Variants in NDST3 observed in about 807,000 individuals in gnomAD.
NDST3 encodes bifunctional heparan sulfate N-deacetylase/N-sulfotransferase 3.
In NDST3, 58 loss-of-function variants were observed where a neutral mutation model predicts 96.1. The ratio of observed to expected loss-of-function variants is 0.60; its 90% CI spans 0.49 to 0.75. NDST3 has a LOEUF of 0.75. NDST3 is among the 30% of genes least tolerant of loss of function. The pLI is 0.00. For synonymous variants in NDST3, 333 were observed against 359.7 expected (o/e 0.93, Z 0.84); for missense variants, 788 against 1,034.2 (o/e 0.76, Z 3.27).
intron 6 of NDST3, among the ~76,000 whole-genome samples, chr4:118,213,906 G>A (rs1305721295): frequency 2.6e-5 from 4 of 151,924 alleles, no homozygotes; most frequent in Non-Finnish European, 5.9e-5. Context: ...AGCCTATTAT[G>A]TAATTAAATT....
chr4:118,188,370 C>T (rs1737103780), intron 6 of NDST3, among the ~76,000 whole-genome samples: 1 of 149,752 alleles, frequency 6.7e-6, no homozygotes, highest in South Asian at 2.1e-4. Context: ...CATGATGAAT[C>T]ATGGATTGTA....
At position 118,066,383 on chromosome 4, in the gene NDST3, CAT is replaced by C. The variant is rs1214131708; in HGVS notation, c.981+11495_981+11496del. 9.2e-3 allele frequency among the ~76,000 whole-genome samples: 5 copies of C among 542 alleles called. 1 individual carries two copies. Among genetic ancestry groups the C allele is most frequent in the African/African-American group, 0.01 (5 of 488 alleles). 0.4% of individuals were successfully genotyped at this position (542 alleles called of 152,430 possible). The stretch of plus-strand genomic sequence containing the variant: ...ATGTTATATATTATATATCATATAT[CAT>C]ATGTTATATATTATATATCATATAT... On this transcript the variant is annotated intron_variant, in intron 2 of 13. Coordinates refer to ENST00000296499, the MANE Select transcript of NDST3 (RefSeq NM_004784.3).
At position 118,195,618 on chromosome 4, in the gene NDST3, T is replaced by G. The variant is rs1269440664; in HGVS notation, c.1540-28873T>G. Reference sequence around the variant, plus strand: ...CATATCTAATTTTATTTGTGGCTATTATAATTAGGATTACTTTCTTGATTT... The same window carrying G: ...CATATCTAATTTTATTTGTGGCTATGATAATTAGGATTACTTTCTTGATTT... On this transcript the variant is annotated intron_variant, in intron 6 of 13. Coordinates refer to ENST00000296499, the MANE Select transcript of NDST3 (RefSeq NM_004784.3). Among the ~76,000 whole-genome samples the G allele has an allele frequency of 3.3e-5, 5 of 152,254 alleles. No homozygotes were observed. The East Asian group carries it at 9.6e-4, about 29-fold the overall frequency.
chr4:118,089,348 GAA>G (rs528903474), intron 2 of NDST3, among the ~76,000 whole-genome samples: 27 of 151,490 alleles, frequency 1.8e-4, no homozygotes, highest in Admixed American at 1.6e-3. Context: ...TCTTTGTAAA[GAA>G]AAAAAACTTT....
chr4:118,193,930 G>T, intron 6 of NDST3: 1 of 957,494 alleles, frequency 1.0e-6, no homozygotes, highest in Non-Finnish European at 1.7e-6. Flanking sequence ...GCTTGTATTT[G>T]CCTTCCTTGA....
chr4:118,128,802 T>C (rs1446237209), intron 4 of NDST3, among the ~76,000 whole-genome samples: 2 of 152,084 alleles, frequency 1.3e-5, no homozygotes, highest in East Asian at 1.9e-4. Context: ...ATCAGCAGTG[T>C]AGCCATCAAG....
intron 6 of NDST3, among the ~76,000 whole-genome samples, chr4:118,177,676 C>T (rs1333156577): frequency 6.6e-6 from 1 of 151,896 alleles, no homozygotes; most frequent in African/African-American, 2.4e-5. Flanking sequence ...TCCTGGGTTT[C>T]AGATCATGAT....
chr4:118,256,279 G>A lies in NDST3; in HGVS notation c.*567G>A, dbSNP rs1362210268. The A allele has an allele frequency of 6.6e-6, 1 of 151,942 alleles. No individual in the cohort carries two copies. Among genetic ancestry groups the A allele is most frequent in the Non-Finnish European group, 1.5e-5 (1 of 67,986 alleles). The allele number at this position is 151,942 out of a possible 1,614,324, so 9.4% of individuals were successfully genotyped here. ...ATTTGTGCTAGATCAGAGTGGAAAA[G>A]TTATATATGAGTGTTATCTGCACCA... On this transcript the variant is annotated 3_prime_UTR_variant, in exon 14 of 14. Coordinates refer to ENST00000296499, the MANE Select transcript of NDST3 (RefSeq NM_004784.3).
chr4:118,251,319 G>C (rs748185467), intron 12 of NDST3, among the ~76,000 whole-genome samples: 106 of 151,052 alleles, frequency 7.0e-4, no homozygotes, highest in Non-Finnish European at 9.7e-4. Flanking sequence ...GTAGAGATGG[G>C]GTTTCACTGT....
intron 1 of NDST3, among the ~76,000 whole-genome samples, chr4:118,049,903 A>G (rs1724979950): frequency 6.6e-6 from 1 of 152,118 alleles, no homozygotes; most frequent in South Asian, 2.1e-4. Context: ...CATCAGCCTG[A>G]TACCAAAATC....
intron 2 of NDST3, among the ~76,000 whole-genome samples, chr4:118,071,518 C>G (rs933000917): frequency 2.0e-5 from 3 of 152,054 alleles, no homozygotes; most frequent in Non-Finnish European, 4.4e-5. Flanking sequence ...CAGTATTTGG[C>G]TTTCTCTTCC....
At chr4:118,158,156 A>T (rs1367649764) in intron 6 of NDST3, among the ~76,000 whole-genome samples, 1 of 152,196 alleles carries the variant, frequency 6.6e-6, no homozygotes, top group East Asian at 1.9e-4. Context: ...AAGGTTTCCT[A>T]CCTCTATCTA....
At chr4:118,051,927 C>T (rs571700264) in intron 1 of NDST3, among the ~76,000 whole-genome samples, 1 of 152,088 alleles carries the variant, frequency 6.6e-6, no homozygotes, top group Non-Finnish European at 1.5e-5. Context: ...TGCTTATACA[C>T]TGTTGGTGGG....
At chr4:118,161,463 C>T (rs1478928808) in intron 6 of NDST3, among the ~76,000 whole-genome samples, 2 of 152,184 alleles carry the variant, frequency 1.3e-5, no homozygotes, top group Non-Finnish European at 2.9e-5. Flanking sequence ...TGTCTGTGCC[C>T]TGCCCCCAGA....
At chr4:118,044,793 G>T (rs1724663828) in intron 1 of NDST3, among the ~76,000 whole-genome samples, 1 of 152,164 alleles carries the variant, frequency 6.6e-6, no homozygotes, top group Non-Finnish European at 1.5e-5. Flanking sequence ...ATGGTGGAAG[G>T]TTGAAGGGCA....
intron 4 of NDST3, among the ~76,000 whole-genome samples, chr4:118,134,171 T>C (rs1732878995): frequency 1.3e-5 from 2 of 152,138 alleles, no homozygotes; most frequent in African/African-American, 2.4e-5. Context: ...AAACCACATA[T>C]AGGAAGATGC....
intron 4 of NDST3, among the ~76,000 whole-genome samples, chr4:118,120,089 C>A (rs908437333): frequency 6.6e-6 from 1 of 151,926 alleles, no homozygotes; most frequent in African/African-American, 2.4e-5. Flanking sequence ...TGCTTGACAT[C>A]TAGTAGGTAG....
intron 3 of NDST3, among the ~76,000 whole-genome samples, chr4:118,108,930 A>C (rs774493175): frequency 3.9e-5 from 6 of 152,196 alleles, no homozygotes; most frequent in Non-Finnish European, 7.4e-5. Context: ...TTGTTTTATG[A>C]TTCATTGAGT....
chr4:118,210,527 C>T (rs1195360758), intron 6 of NDST3, among the ~76,000 whole-genome samples: 4 of 152,164 alleles, frequency 2.6e-5, no homozygotes, highest in Admixed American at 2.0e-4. Context: ...CCTGTAATCT[C>T]AGCACTTTGG....
Sources: gnomAD v4.1 joint callset for allele counts (sites outside exome capture counted in the v4.1 genomes callset) on GRCh38, gnomAD v4.1.1 for gene constraint, MANE v1.5 for transcripts, NCBI Gene and HGNC (gene_info 2026-07-23, HGNC 2026-07-21) for gene names.